PRR5: variants seen among roughly 807,000 people sequenced by gnomAD.
PRR5 encodes the protein proline rich 5.
In PRR5, 25 loss-of-function variants were observed where a neutral mutation model predicts 30.6. The observed-to-expected ratio is 0.82, with a 90% CI of 0.60 to 1.14. The LOEUF (loss-of-function observed/expected upper bound fraction) is 1.14. Ranked by LOEUF, PRR5 falls within the 50% of genes most tolerant of loss-of-function variation. PRR5 has a pLI of 0.00. For synonymous variants in PRR5, 286 were observed against 247.1 expected (o/e 1.16, Z -1.48); for missense variants, 600 against 547.1 (o/e 1.10, Z -0.96).
intron 2 of PRR5, among the ~76,000 whole-genome samples, chr22:44,723,243 C>G (rs1443720766): frequency 1.3e-5 from 2 of 151,954 alleles, no homozygotes; most frequent in Admixed American, 6.6e-5. Context: ...CTTGGCCTCC[C>G]AAAGTGATGG....
At chr22:44,692,664 A>G (rs146645190) in intron 1 of PRR5, among the ~76,000 whole-genome samples, 112 of 152,292 alleles carry the variant, frequency 7.4e-4, no homozygotes, top group Non-Finnish European at 1.3e-3. Context: ...CATTCCTTCC[A>G]TCCAAGATTC....
intron 1 of PRR5, among the ~76,000 whole-genome samples, chr22:44,705,244 G>C (rs1926996606): frequency 6.6e-6 from 1 of 152,122 alleles, no homozygotes; most frequent in Non-Finnish European, 1.5e-5. Context: ...TGGCTCTTTG[G>C]CTTGTGGCTG....
chr22:44,713,062 G>A (rs1475316533), intron 1 of PRR5, among the ~76,000 whole-genome samples: 6 of 152,198 alleles, frequency 3.9e-5, no homozygotes, highest in Non-Finnish European at 7.4e-5. Flanking sequence ...GGCGCTACCC[G>A]GAGGGTCCTG....
chr22:44,697,289 TCTGCCGTGCGACCACC>T (rs1369444177), upstream of PRR5, among the ~76,000 whole-genome samples: 4 of 152,174 alleles, frequency 2.6e-5, no homozygotes, highest in Non-Finnish European at 5.9e-5. Context: ...GGAACCTCCT[TCTGCCGTGCGACCACC>T]CTGGCGGCGG....
At chr22:44,685,816 C>G (rs1042058710) in intron 1 of PRR5, among the ~76,000 whole-genome samples, 1 of 152,248 alleles carries the variant, frequency 6.6e-6, no homozygotes, top group African/African-American at 2.4e-5. Flanking sequence ...ACGTGATGCC[C>G]CTTCCGCCTA....
chr22:44,681,334 A>G (rs2146944259), intron 1 of PRR5, among the ~76,000 whole-genome samples: 1 of 152,334 alleles, frequency 6.6e-6, no homozygotes, highest in African/African-American at 2.4e-5. Flanking sequence ...TTATGCCTCT[A>G]ATCCCAGAAC....
intron 7 of PRR5, among the ~76,000 whole-genome samples, chr22:44,735,641 T>A (rs2146948244): frequency 6.6e-6 from 1 of 152,226 alleles, no homozygotes; most frequent in Admixed American, 6.5e-5. Flanking sequence ...CTGGGTTCCT[T>A]CAGCAATGTC....
At chr22:44,686,742 C>G (rs1924787057) in intron 1 of PRR5, among the ~76,000 whole-genome samples, 1 of 152,152 alleles carries the variant, frequency 6.6e-6, no homozygotes. Flanking sequence ...TCTTGAACTC[C>G]TGACTTCATG....
At chr22:44,726,412 C>G (rs1920949186) in intron 3 of PRR5, among the ~76,000 whole-genome samples, 165 bp from the exon 4 acceptor site, 1 of 152,192 alleles carries the variant, frequency 6.6e-6, no homozygotes, top group Non-Finnish European at 1.5e-5. Flanking sequence ...CCTGGATGAA[C>G]TGATGCTCAG....
At chr22:44,714,534 G>A in intron 1 of PRR5, 57 bp from the exon 2 acceptor site, 2 of 1,600,894 alleles carry the variant, frequency 1.2e-6, no homozygotes, top group Non-Finnish European at 8.5e-7. Flanking sequence ...GGCCTGATGG[G>A]CAACCAGGGG....
At chr22:44,696,069 AC>A (rs1408576111) in intron 1 of PRR5, among the ~76,000 whole-genome samples, 12 of 151,586 alleles carry the variant, frequency 7.9e-5, no homozygotes, top group African/African-American at 2.9e-4. Flanking sequence ...GATTACAGGC[AC>A]ACACCACCAC....
At chr22:44,703,891 A>G (rs73416570) in intron 1 of PRR5, among the ~76,000 whole-genome samples, 3,185 of 152,274 alleles carry the variant, frequency 0.021, 123 homozygotes, top group African/African-American at 0.074. Context: ...TCAAAAAAAA[A>G]GAAGAGCAGT....
chr22:44,697,721 C>A (rs926410237), upstream of PRR5, among the ~76,000 whole-genome samples: 4 of 152,210 alleles, frequency 2.6e-5, no homozygotes, highest in African/African-American at 9.6e-5. Context: ...CTCTCCCGCC[C>A]AGCCCGCAGG....
chr22:44,721,261 A>G (rs927174441), intron 2 of PRR5, among the ~76,000 whole-genome samples: 4 of 152,230 alleles, frequency 2.6e-5, no homozygotes, highest in Non-Finnish European at 5.9e-5. Context: ...AAGCAGCTCA[A>G]GGGCCAGGTT....
At chr22:44,675,859 A>C (rs907748241), upstream of PRR5, among the ~76,000 whole-genome samples, 80 of 151,768 alleles carry the variant, frequency 5.3e-4, no homozygotes, top group Admixed American at 1.8e-3. Context: ...GATTCTCTGC[A>C]GTCCTGTGCC....
At chr22:44,674,842 A>C (rs986877160), upstream of PRR5, among the ~76,000 whole-genome samples, 1 of 151,970 alleles carries the variant, frequency 6.6e-6, no homozygotes, top group African/African-American at 2.4e-5. Flanking sequence ...GCTACTCAGG[A>C]GGGTGAGGCA....
intron 2 of PRR5, among the ~76,000 whole-genome samples, chr22:44,716,039 C>A (rs754127897): frequency 6.6e-6 from 1 of 152,212 alleles, no homozygotes; most frequent in Non-Finnish European, 1.5e-5. Flanking sequence ...CATCCTTCTC[C>A]CCTGCCCTCC....
upstream of PRR5, among the ~76,000 whole-genome samples, chr22:44,699,469 G>A (rs921579120): frequency 1.4e-4 from 21 of 152,262 alleles, no homozygotes; most frequent in African/African-American, 5.1e-4. Flanking sequence ...GGCCATGACG[G>A]AGATTCTCGC....
At chr22:44,710,947 A>T (rs1217335383) in intron 1 of PRR5, among the ~76,000 whole-genome samples, 1 of 152,132 alleles carries the variant, frequency 6.6e-6, no homozygotes, top group East Asian at 1.9e-4. Context: ...CACTGTACTG[A>T]GAAGTCCATT....
Sources: gnomAD v4.1 joint callset for allele counts (sites outside exome capture counted in the v4.1 genomes callset) on GRCh38, gnomAD v4.1.1 for gene constraint, MANE v1.5 for transcripts, NCBI Gene and HGNC (gene_info 2026-07-23, HGNC 2026-07-21) for gene names.